The following IGSF10 variants were observed in gnomAD, a reference collection of about 807,000 sequenced individuals.
IGSF10 encodes the protein calvaria mechanical force protein 608.
In IGSF10, 126 loss-of-function variants were observed where a neutral mutation model predicts 128.2. That is an observed-to-expected ratio of 0.98 (90% CI 0.85 to 1.14). The LOEUF (loss-of-function observed/expected upper bound fraction) is 1.14. Among genes scored for constraint, IGSF10 ranks in the 50% most tolerant of loss-of-function variants. IGSF10 has a pLI of 0.00. For missense variants in IGSF10, 3,295 were observed against 3,149.8 expected, an observed-to-expected ratio of 1.05 and a Z score of -1.10; for synonymous variants, 1,185 against 1,146.2, an observed-to-expected ratio of 1.03 and a Z score of -0.68.
the IGSF10 span, among the ~76,000 whole-genome samples, chr3:151,580,062 A>G: frequency 6.6e-6 from 1 of 152,114 alleles, no homozygotes; most frequent in Non-Finnish European, 1.5e-5. Flanking sequence ...CCAAGCCACA[A>G]CCAAGCACCA....
At chr3:151,577,108 C>A in the IGSF10 span, among the ~76,000 whole-genome samples, 1 of 152,142 alleles carries the variant, frequency 6.6e-6, no homozygotes, top group Non-Finnish European at 1.5e-5. Flanking sequence ...TTATTCTGTC[C>A]ATATATTTAT....
the IGSF10 span, among the ~76,000 whole-genome samples, chr3:151,601,006 A>G: frequency 1.3e-5 from 2 of 151,840 alleles, no homozygotes; most frequent in African/African-American, 4.8e-5. Context: ...AAGAAATCTT[A>G]TTCAAGTCAA....
At chr3:151,531,856 A>G in the IGSF10 span, among the ~76,000 whole-genome samples, 1 of 152,198 alleles carries the variant, frequency 6.6e-6, no homozygotes, top group Admixed American at 6.5e-5. Context: ...AAGGAGATAG[A>G]GACCTGAAAA....
the IGSF10 span, among the ~76,000 whole-genome samples, chr3:151,543,425 GCTGGCTCTCC>G: frequency 2.0e-5 from 3 of 152,136 alleles, no homozygotes; most frequent in African/African-American, 7.2e-5. Flanking sequence ...CAGCTGCACA[GCTGGCTCTCC>G]CTTGCCTTCA....
the IGSF10 span, among the ~76,000 whole-genome samples, chr3:151,507,809 T>C: frequency 6.6e-6 from 1 of 152,142 alleles, no homozygotes; most frequent in Non-Finnish European, 1.5e-5. Flanking sequence ...GAGAACACAG[T>C]TAAATCATAT....
intron 4 of IGSF10, among the ~76,000 whole-genome samples, chr3:151,454,200 T>C (rs1401964726): frequency 6.6e-6 from 1 of 151,976 alleles, no homozygotes; most frequent in Non-Finnish European, 1.5e-5. Context: ...GTAGTTTTAG[T>C]AGAGATGGGG....
the IGSF10 span, among the ~76,000 whole-genome samples, chr3:151,498,036 T>G: frequency 9.8e-5 from 15 of 152,322 alleles, no homozygotes; most frequent in African/African-American, 3.1e-4. Context: ...ATCCTGAGAC[T>G]TTGCTGAAGT....
chr3:151,449,337 A>C, intron 5 of IGSF10, 72 bp from the exon 6 acceptor site: 1 of 1,376,916 alleles, frequency 7.3e-7, no homozygotes, highest in Non-Finnish European at 9.7e-7. Flanking sequence ...TTGAAGAAAT[A>C]GCTTTTGCTA....
chr3:151,486,844 G>A, the IGSF10 span, among the ~76,000 whole-genome samples: 20 of 152,162 alleles, frequency 1.3e-4, no homozygotes, highest in Non-Finnish European at 2.5e-4. Context: ...AGTGTGTAGA[G>A]GGAAATTTAT....
the IGSF10 span, among the ~76,000 whole-genome samples, chr3:151,527,024 A>AAAAG: frequency 6.6e-6 from 1 of 152,312 alleles, no homozygotes; most frequent in Middle Eastern, 3.4e-3. Flanking sequence ...ACCTAACCTA[A>AAAAG]ACCCTGTACA....
chr3:151,447,834 CT>C lies in IGSF10; in HGVS notation c.2146del (p.Ser716ValfsTer9). 3 of 1,613,484 alleles carry C rather than the reference CT, an allele frequency of 1.9e-6. No individual in the cohort carries two copies. In the African/African-American group the frequency reaches 4.0e-5, roughly 22 times the overall value. On this transcript the variant is annotated frameshift_variant, in exon 6 of 8. Transcript: ENST00000282466. LOFTEE classifies it high-confidence loss of function. Reference sequence around the variant, plus strand: ...TAATTCCCGATAGTTGTGCCTCTTACTTGTGCTTGAGGTGTGTTTTCCAACC... The same window carrying C: ...TAATTCCCGATAGTTGTGCCTCTTACTGTGCTTGAGGTGTGTTTTCCAACC... Reference protein sequence around the residue: ...AEVGKHTSSTSKRHNYRELTL... With the variant: ...AEVGKHTSSTXKRHNYRELTL...
chr3:151,610,156 G>A, the IGSF10 span, among the ~76,000 whole-genome samples: 1 of 152,188 alleles, frequency 6.6e-6, no homozygotes, highest in African/African-American at 2.4e-5. Context: ...GATGGTGGCA[G>A]TTGGGTGGAA....
the IGSF10 span, among the ~76,000 whole-genome samples, chr3:151,604,568 T>TTA: frequency 6.7e-6 from 1 of 148,766 alleles, no homozygotes. Flanking sequence ...TATATTAGGA[T>TTA]TATATATATA....
the IGSF10 span, among the ~76,000 whole-genome samples, chr3:151,498,613 T>C: frequency 6.6e-6 from 1 of 152,166 alleles, no homozygotes; most frequent in East Asian, 1.9e-4. Context: ...GTATTTGTTA[T>C]ACAATGTATA....
At chr3:151,498,852 A>T in the IGSF10 span, among the ~76,000 whole-genome samples, 1 of 152,140 alleles carries the variant, frequency 6.6e-6, no homozygotes, top group Non-Finnish European at 1.5e-5. Context: ...ACTTGAGCAT[A>T]CTGATTTCAA....
chr3:151,575,223 C>CCATTCTCAGCTCAAA, the IGSF10 span, among the ~76,000 whole-genome samples: 1 of 151,798 alleles, frequency 6.6e-6, no homozygotes, highest in African/African-American at 2.4e-5. Context: ...GGCAGTCTGT[C>CCATTCTCAGCTCAAA]CACCATCCTG....
At chr3:151,538,014 T>A in the IGSF10 span, among the ~76,000 whole-genome samples, 1 of 152,328 alleles carries the variant, frequency 6.6e-6, no homozygotes, top group Admixed American at 6.5e-5. Context: ...TTCAGATTCC[T>A]CTGACTATTA....
the IGSF10 span, among the ~76,000 whole-genome samples, chr3:151,521,857 C>A: frequency 2.0e-5 from 3 of 151,804 alleles, no homozygotes; most frequent in Non-Finnish European, 2.9e-5. Context: ...TAACCATGAT[C>A]AGAGCTGAAC....
chr3:151,560,882 C>T, the IGSF10 span, among the ~76,000 whole-genome samples: 6 of 152,140 alleles, frequency 3.9e-5, no homozygotes, highest in Admixed American at 6.6e-5. Context: ...TTCTTAACAA[C>T]GTTGACTTCT....
Sources: gnomAD v4.1 joint callset for allele counts (sites outside exome capture counted in the v4.1 genomes callset) on GRCh38, gnomAD v4.1.1 for gene constraint, MANE v1.5 for transcripts, NCBI Gene and HGNC (gene_info 2026-07-23, HGNC 2026-07-21) for gene names.